The following ANKS1B variants were observed in gnomAD, a reference collection of about 807,000 sequenced individuals.
ANKS1B encodes ankyrin repeat and sterile alpha motif domain containing 1B.
ANKS1B carries 36 observed loss-of-function variants against 148.3 expected under a neutral mutation model. The observed-to-expected ratio is 0.24, with a 90% CI of 0.19 to 0.32. The LOEUF (loss-of-function observed/expected upper bound fraction) is 0.32. Ranked by LOEUF, ANKS1B falls within the 10% of genes least tolerant of loss-of-function variation. The pLI, the probability that ANKS1B is intolerant of heterozygous loss-of-function variation, is 1.00. For synonymous variants in ANKS1B, 542 were observed against 560.8 expected (o/e 0.97, Z 0.47); for missense variants, 1,157 against 1,542.6 (o/e 0.75, Z 4.19).
chr12:99,424,038 T>A (rs2095177492), intron 11 of ANKS1B, among the ~76,000 whole-genome samples: 3 of 152,168 alleles, frequency 2.0e-5, no homozygotes, highest in Admixed American at 1.3e-4. Context: ...CGACTTAGGC[T>A]TTTTTCTATT....
At chr12:99,814,286 TATAATG>T (rs2068818028) in intron 2 of ANKS1B, among the ~76,000 whole-genome samples, 2 of 151,736 alleles carry the variant, frequency 1.3e-5, no homozygotes, top group Admixed American at 1.3e-4. Context: ...CAGGAGATAC[TATAATG>T]ATAATGTCTA....
chr12:99,612,017 G>A (rs964705132), intron 9 of ANKS1B, among the ~76,000 whole-genome samples: 5 of 151,916 alleles, frequency 3.3e-5, no homozygotes, highest in Admixed American at 6.6e-5. Flanking sequence ...ATACATCCAG[G>A]ATTCACAATA....
intron 9 of ANKS1B, among the ~76,000 whole-genome samples, chr12:99,583,417 C>G (rs2097589898): frequency 6.6e-6 from 1 of 152,118 alleles, no homozygotes; most frequent in Admixed American, 6.5e-5. Flanking sequence ...TCTCAGTGTG[C>G]TAGGTACTGT....
chr12:98,817,932 G>T (rs186387672), intron 19 of ANKS1B, among the ~76,000 whole-genome samples: 11 of 152,158 alleles, frequency 7.2e-5, no homozygotes, highest in Admixed American at 6.5e-4. Flanking sequence ...GCCAACAGTT[G>T]TTTCTCTAAC....
At position 99,269,249 on chromosome 12, in the gene ANKS1B, T is replaced by A. The variant is rs113590978; in HGVS notation, c.1757-22385A>T. On this transcript the variant is annotated intron_variant, in intron 12 of 26. Coordinates refer to ENST00000683438, the MANE Select transcript of ANKS1B (RefSeq NM_001352186.2). ...TTTCGTTTTATATCAAGCAAATACA[T>A]TTTTTTATTTTCCTGTTTTAAATAT... 4.8e-3 allele frequency among the ~76,000 whole-genome samples: 738 copies of A among 152,332 alleles called. 4 individuals are homozygous for A. Among genetic ancestry groups the A allele is most frequent in the Non-Finnish European group, 7.6e-3 (518 of 68,038 alleles).
intron 8 of ANKS1B, among the ~76,000 whole-genome samples, chr12:99,707,482 A>G (rs2055990404): frequency 6.6e-6 from 1 of 152,114 alleles, no homozygotes; most frequent in Admixed American, 6.5e-5. Context: ...CTTCTATTTA[A>G]TAAAATGTTA....
At chr12:98,968,264 C>T (rs2099880266) in intron 17 of ANKS1B, among the ~76,000 whole-genome samples, 1 of 152,112 alleles carries the variant, frequency 6.6e-6, no homozygotes, top group South Asian at 2.1e-4. Context: ...TAGTAGTTCT[C>T]AAAGTGTAAT....
intron 17 of ANKS1B, among the ~76,000 whole-genome samples, chr12:98,997,252 T>C (rs2099930247): frequency 6.6e-6 from 1 of 152,184 alleles, no homozygotes; most frequent in Non-Finnish European, 1.5e-5. Flanking sequence ...GGACCAGGAT[T>C]GGGCAGGTAG....
At chr12:99,852,627 T>G (rs2088120139) in intron 1 of ANKS1B, among the ~76,000 whole-genome samples, 1 of 152,144 alleles carries the variant, frequency 6.6e-6, no homozygotes. Context: ...CCCACTCGGA[T>G]GTACAGAGCA....
chr12:99,405,736 C>A lies in ANKS1B; in HGVS notation c.1576-5925G>T, dbSNP rs1443729464. On this transcript the variant is annotated intron_variant, in intron 11 of 26. Coordinates refer to ENST00000683438, the MANE Select transcript of ANKS1B (RefSeq NM_001352186.2). Reference sequence around the variant, plus strand: ...TAGACTAGAATCTCCAGTCAAAAGACAGAGAGTAGCTGAATGGGTTAAAAA... The same window carrying A: ...TAGACTAGAATCTCCAGTCAAAAGAAAGAGAGTAGCTGAATGGGTTAAAAA... 1.3e-4 allele frequency among the ~76,000 whole-genome samples: 18 copies of A among 143,044 alleles called. 2 individuals carry two copies. The highest frequency in any genetic ancestry group is 1.0e-3 in the Admixed American group (15 of 14,424). The allele number at this position is 143,044 out of a possible 152,430, so 93.8% of individuals were successfully genotyped here.
intron 17 of ANKS1B, among the ~76,000 whole-genome samples, chr12:98,867,929 A>T (rs2099633693): frequency 6.6e-6 from 1 of 151,866 alleles, no homozygotes; most frequent in Non-Finnish European, 1.5e-5. Context: ...TCTGCCGTTT[A>T]TGGGAGGTAA....
intron 17 of ANKS1B, among the ~76,000 whole-genome samples, chr12:99,011,681 T>A (rs576241699): frequency 6.6e-6 from 1 of 152,318 alleles, no homozygotes; most frequent in African/African-American, 2.4e-5. Context: ...TTCATTTTGT[T>A]TTGCAAAATC....
chr12:99,140,887 C>T (rs2070473364), intron 15 of ANKS1B, among the ~76,000 whole-genome samples: 1 of 152,142 alleles, frequency 6.6e-6, no homozygotes, highest in Non-Finnish European at 1.5e-5. Context: ...TCTTCTCTAT[C>T]CTTATATCTT....
At chr12:99,457,347 T>C (rs143854805) in intron 10 of ANKS1B, among the ~76,000 whole-genome samples, 157 of 151,404 alleles carry the variant, frequency 1.0e-3, no homozygotes, top group African/African-American at 3.6e-3. Context: ...ACAGGACCTA[T>C]AAAACAACAA....
chr12:99,015,612 A>C (rs551238852), intron 17 of ANKS1B, among the ~76,000 whole-genome samples: 2 of 152,334 alleles, frequency 1.3e-5, no homozygotes, highest in East Asian at 3.9e-4. Context: ...CATGCCTGTA[A>C]TCCCAGCACT....
At chr12:99,304,818 A>G (rs181798079) in intron 12 of ANKS1B, among the ~76,000 whole-genome samples, 6 of 152,244 alleles carry the variant, frequency 3.9e-5, no homozygotes, top group African/African-American at 1.4e-4. Flanking sequence ...TGAATTTGGT[A>G]GGAAGTCATC....
At chr12:99,456,211 G>C (rs894165145) in intron 10 of ANKS1B, among the ~76,000 whole-genome samples, 1 of 152,110 alleles carries the variant, frequency 6.6e-6, no homozygotes, top group African/African-American at 2.4e-5. Context: ...CCCATCCCTA[G>C]GGGAAAGGGA....
At position 98,980,279 on chromosome 12, in the gene ANKS1B, C is replaced by T. The variant is rs867149050; in HGVS notation, c.2778+72878G>A. Among the ~76,000 whole-genome samples the T allele has an allele frequency of 1.8e-4, 27 of 152,348 alleles. No individual in the cohort carries two copies. In the Middle Eastern group the frequency reaches 0.02, roughly 115 times the overall value. ...GCAGTGGCGCAATCTCGGCTCACTGCAAGCTCCGCCTCCCAGGTACCCGCC... is the reference window on the plus strand; with the variant it reads ...GCAGTGGCGCAATCTCGGCTCACTGTAAGCTCCGCCTCCCAGGTACCCGCC... On this transcript the variant is annotated intron_variant, in intron 17 of 26. Coordinates refer to ENST00000683438, the MANE Select transcript of ANKS1B (RefSeq NM_001352186.2).
chr12:98,787,537 G>C (rs2098806590), intron 22 of ANKS1B, among the ~76,000 whole-genome samples: 1 of 152,142 alleles, frequency 6.6e-6, no homozygotes, highest in Non-Finnish European at 1.5e-5. Context: ...AGTTTCATAG[G>C]ATTCGATCTA....
Sources: gnomAD v4.1 joint callset for allele counts (sites outside exome capture counted in the v4.1 genomes callset) on GRCh38, gnomAD v4.1.1 for gene constraint, MANE v1.5 for transcripts, NCBI Gene and HGNC (gene_info 2026-07-23, HGNC 2026-07-21) for gene names.